Variants in MEI4 observed in about 807,000 individuals in gnomAD.
MEI4 encodes the protein meiotic double-stranded break formation protein 4.
A neutral mutation model predicts 31.4 loss-of-function variants in MEI4; 27 were observed. That is an observed-to-expected ratio of 0.86 (90% CI 0.63 to 1.19). The LOEUF is 1.19. Ranked by LOEUF, MEI4 falls within the 50% of genes most tolerant of loss-of-function variation. The pLI is 0.00. For missense variants in MEI4, 329 were observed against 398.9 expected (o/e 0.82, Z 1.49); for synonymous variants, 122 against 145.4 (o/e 0.84, Z 1.16).
chr6:77,685,353 G>T (rs1769035888), intron 1 of MEI4, among the ~76,000 whole-genome samples: 3 of 143,786 alleles, frequency 2.1e-5, no homozygotes, highest in Admixed American at 7.0e-5. Context: ...TTTTTAACTT[G>T]GTGTGATACC....
At chr6:77,916,118 GCTAT>G (rs1472532916) in intron 4 of MEI4, among the ~76,000 whole-genome samples, 5 of 151,944 alleles carry the variant, frequency 3.3e-5, no homozygotes, top group South Asian at 4.2e-4. Flanking sequence ...TCTTTTTAAT[GCTAT>G]CTATCTCATT....
Position 77,795,027 on chromosome 6 carries a change from G to T in MEI4, c.768+33362G>T, listed in dbSNP as rs1338969432. ...GAAAGCAAAAATATATTAAGATGAA[G>T]AAAAATAGAAACACAACATAGCCTA... On this transcript the variant is annotated intron_variant, in intron 3 of 4. Coordinates refer to ENST00000684080, the MANE Select transcript of MEI4 (RefSeq NM_001322247.2). 2.6e-5 allele frequency among the ~76,000 whole-genome samples: 4 copies of T among 152,186 alleles called. No individual in the cohort carries two copies. In the East Asian group the frequency reaches 7.7e-4, roughly 29 times the overall value.
intron 3 of MEI4, among the ~76,000 whole-genome samples, chr6:77,770,715 T>C (rs1416157818): frequency 1.3e-5 from 2 of 152,172 alleles, no homozygotes; most frequent in Non-Finnish European, 2.9e-5. Context: ...AGCCATCCGA[T>C]GTTTGAGAAA....
intron 4 of MEI4, among the ~76,000 whole-genome samples, chr6:77,867,762 G>A (rs1227345703): frequency 6.6e-6 from 1 of 152,142 alleles, no homozygotes; most frequent in Non-Finnish European, 1.5e-5. Flanking sequence ...AAAGACACAT[G>A]CACACGTGTG....
chr6:77,923,134 C>G lies in MEI4; in HGVS notation c.946C>G (p.Leu316Val), dbSNP rs1766749533. ...GTCACGCTATGAAAACATTTTCTAC[C>G]TGTTCTGGGTTCTGGAGCAGCTTCT... ...DVSRYENIFY[L>V]FWVLEQLLQK... The change falls in exon 5 of 5, where the codon CTG (leucine) becomes GTG (valine). Residue 316 changes from leucine (L) to valine (V), a missense_variant. By Grantham distance (32) the Leu-to-Val change is conservative (BLOSUM62 1). Transcript: ENST00000684080. 1.6e-6 allele frequency: 2 copies of G among 1,230,324 alleles called. No homozygotes were observed. The highest frequency in any genetic ancestry group is 1.0e-6 in the Non-Finnish European group (1 of 986,808). 76.2% of individuals were successfully genotyped at this position (1,230,324 alleles called of 1,614,324 possible). A position where few individuals can be genotyped will look rare whatever the true frequency, so the allele number is the denominator to read the frequency against.
chr6:77,695,765 ATGAACT>A (rs1218044808), intron 2 of MEI4, among the ~76,000 whole-genome samples: 2 of 152,164 alleles, frequency 1.3e-5, no homozygotes, highest in East Asian at 3.9e-4. Context: ...TTGGTTCCAT[ATGAACT>A]TGAAAGTAGT....
chr6:77,732,234 A>T (rs1767023027), intron 2 of MEI4, among the ~76,000 whole-genome samples: 1 of 151,902 alleles, frequency 6.6e-6, no homozygotes. Context: ...GGCCATTTTC[A>T]CGATATTGAT....
intron 4 of MEI4, among the ~76,000 whole-genome samples, chr6:77,900,572 A>T (rs1025497356): frequency 6.6e-6 from 1 of 151,900 alleles, no homozygotes; most frequent in African/African-American, 2.4e-5. Context: ...AAAATCTATA[A>T]AATTGTAGGG....
chr6:77,922,822 T>G (rs1197369032), intron 4 of MEI4, among the ~76,000 whole-genome samples: 3 of 151,738 alleles, frequency 2.0e-5, no homozygotes, highest in Non-Finnish European at 4.4e-5. Context: ...ATTCTCAGAT[T>G]CATTTGAGTA....
chr6:77,873,319 A>C (rs924782524), intron 4 of MEI4, among the ~76,000 whole-genome samples: 8 of 152,056 alleles, frequency 5.3e-5, no homozygotes, highest in African/African-American at 1.9e-4. Context: ...ATGGTACCTC[A>C]TTGTGGTTTT....
At chr6:77,833,712 G>T (rs1164301279) in intron 4 of MEI4, among the ~76,000 whole-genome samples, 1 of 152,088 alleles carries the variant, frequency 6.6e-6, no homozygotes, top group Non-Finnish European at 1.5e-5. Flanking sequence ...GTGGTTTGCT[G>T]CACCCATCAA....
At chr6:77,762,477 G>T (rs1324788696) in intron 3 of MEI4, among the ~76,000 whole-genome samples, 1 of 151,876 alleles carries the variant, frequency 6.6e-6, no homozygotes, top group Non-Finnish European at 1.5e-5. Context: ...CTCTTTATTT[G>T]ACTACCAAAA....
chr6:77,868,966 T>A (rs1771131740), intron 4 of MEI4, among the ~76,000 whole-genome samples: 1 of 152,064 alleles, frequency 6.6e-6, no homozygotes. Context: ...GATCTGCTCC[T>A]TTGTCTTTCA....
chr6:77,843,234 G>A (rs950476062), intron 4 of MEI4, among the ~76,000 whole-genome samples: 2 of 151,888 alleles, frequency 1.3e-5, no homozygotes, highest in Admixed American at 6.6e-5. Context: ...GAGAGAAGCA[G>A]CTCATGGAAT....
intron 4 of MEI4, among the ~76,000 whole-genome samples, chr6:77,830,165 AGTAC>A (rs2127711703): frequency 6.6e-6 from 1 of 152,230 alleles, no homozygotes; most frequent in African/African-American, 2.4e-5. Flanking sequence ...CAGAAAAGGA[AGTAC>A]TTGAAAAATG....
intron 3 of MEI4, among the ~76,000 whole-genome samples, chr6:77,812,294 A>G (rs1769591295): frequency 1.3e-5 from 2 of 152,128 alleles, no homozygotes; most frequent in Admixed American, 6.6e-5. Flanking sequence ...TTGAATACCC[A>G]CAAAAATAAA....
Position 77,778,810 on chromosome 6 carries a change from C to T in MEI4, c.768+17145C>T, listed in dbSNP as rs142385056. 1.4e-3 allele frequency among the ~76,000 whole-genome samples: 212 copies of T among 152,148 alleles called. 3 individuals carry two copies. In the East Asian group the frequency reaches 0.039, roughly 28 times the overall value. On this transcript the variant is annotated intron_variant, in intron 3 of 4. Coordinates refer to ENST00000684080, the MANE Select transcript of MEI4 (RefSeq NM_001322247.2). Reference sequence around the variant, plus strand: ...TTTGACATGGAGAAATAGACATCAACAGTATTCCTAGTTTCTGATCATTAA... The same window carrying T: ...TTTGACATGGAGAAATAGACATCAATAGTATTCCTAGTTTCTGATCATTAA...
intron 4 of MEI4, among the ~76,000 whole-genome samples, chr6:77,909,542 G>C (rs535582357): frequency 2.0e-5 from 3 of 152,084 alleles, no homozygotes; most frequent in African/African-American, 7.2e-5. Flanking sequence ...CCAGTAACAG[G>C]CTCTGAAATT....
chr6:77,919,519 A>G (rs1288764978), intron 4 of MEI4, among the ~76,000 whole-genome samples: 1 of 152,108 alleles, frequency 6.6e-6, no homozygotes, highest in Non-Finnish European at 1.5e-5. Context: ...GGAAATTTAT[A>G]GCACTAAATA....
Sources: allele counts gnomAD v4.1 joint callset (sites outside exome capture counted in the v4.1 genomes callset), GRCh38; gene constraint gnomAD v4.1.1; transcripts MANE v1.5; gene names NCBI Gene and HGNC (gene_info 2026-07-23, HGNC 2026-07-21).